PAK2: variants seen among roughly 807,000 people sequenced by gnomAD.
PAK2 encodes p21 (RAC1) activated kinase 2, also known as serine/threonine-protein kinase PAK 2.
In PAK2, 21 loss-of-function variants were observed where a neutral mutation model predicts 65.9. The observed-to-expected ratio is 0.32, with a 90% CI of 0.23 to 0.46. The LOEUF is 0.46. PAK2 is among the 20% of genes least tolerant of loss of function. The probability of loss-of-function intolerance (pLI) is 1.00; values close to 1 mark genes in which losing one functional copy is unlikely to be tolerated. For missense variants in PAK2, 324 were observed against 642.6 expected (o/e 0.50, Z 5.36); for synonymous variants, 204 against 219.7 (o/e 0.93, Z 0.63).
chr3:196,783,978 T>A (rs1714798864), intron 2 of PAK2, among the ~76,000 whole-genome samples: 1 of 152,166 alleles, frequency 6.6e-6, no homozygotes, highest in African/African-American at 2.4e-5. Flanking sequence ...CTGTAGACAT[T>A]TGGGTTGTTT....
intron 1 of PAK2, among the ~76,000 whole-genome samples, chr3:196,754,884 C>G (rs1713719072): frequency 6.6e-6 from 1 of 152,130 alleles, no homozygotes; most frequent in African/African-American, 2.4e-5. Flanking sequence ...AGTGGCTGAC[C>G]AATTCTTGAT....
intron 10 of PAK2, among the ~76,000 whole-genome samples, chr3:196,813,096 G>A (rs1715880461): frequency 6.6e-6 from 1 of 152,096 alleles, no homozygotes; most frequent in Non-Finnish European, 1.5e-5. Flanking sequence ...TATACTCATC[G>A]CAAACGACCT....
intron 11 of PAK2, among the ~76,000 whole-genome samples, chr3:196,815,747 A>T (rs763972595): frequency 7.2e-5 from 11 of 151,728 alleles, no homozygotes. Context: ...AGATCGTGCC[A>T]CTGCATTCCA....
chr3:196,748,772 GT>G (rs1450099693), intron 1 of PAK2, among the ~76,000 whole-genome samples: 1 of 152,156 alleles, frequency 6.6e-6, no homozygotes, highest in East Asian at 1.9e-4. Flanking sequence ...GATGTGTGGA[GT>G]TTTTTATTGT....
chr3:196,824,097 G>T (rs1035597820), intron 13 of PAK2, among the ~76,000 whole-genome samples: 3 of 152,158 alleles, frequency 2.0e-5, no homozygotes, highest in African/African-American at 7.2e-5. Context: ...AGGGCACATG[G>T]CTCTAAGACC....
At chr3:196,785,265 T>C (rs182783436) in intron 2 of PAK2, among the ~76,000 whole-genome samples, 22 of 152,328 alleles carry the variant, frequency 1.4e-4, no homozygotes, top group Non-Finnish European at 2.5e-4. Flanking sequence ...GTTTTAGTTA[T>C]GTGTATACTG....
intron 2 of PAK2, among the ~76,000 whole-genome samples, chr3:196,786,909 C>T (rs1308676012): frequency 6.6e-6 from 1 of 151,814 alleles, no homozygotes; most frequent in Non-Finnish European, 1.5e-5. Flanking sequence ...ATTGCAACCT[C>T]CACCTCCCAG....
chr3:196,756,044 G>A (rs1713758943), intron 1 of PAK2, among the ~76,000 whole-genome samples: 1 of 152,102 alleles, frequency 6.6e-6, no homozygotes, highest in South Asian at 2.1e-4. Context: ...GTGAGCCACC[G>A]CACCCGGCCC....
At chr3:196,803,362 A>G (rs1045856583) in intron 4 of PAK2, among the ~76,000 whole-genome samples, 198 bp downstream of exon 4, 4 of 152,198 alleles carry the variant, frequency 2.6e-5, no homozygotes, top group Non-Finnish European at 4.4e-5. Context: ...TAGTAATCTC[A>G]TAGGTTTGCC....
In PAK2 at chr3:196,820,416, G is replaced by A. The variant is rs1479723867; in HGVS notation, c.1199G>A (p.Arg400His). 4 of 1,611,968 alleles carry A rather than the reference G, an allele frequency of 2.5e-6. No homozygotes were observed. The highest frequency in any genetic ancestry group is 3.4e-6 in the Non-Finnish European group (4 of 1,178,964). The change falls in exon 13 of 15, where the codon CGC becomes CAC. Residue 400 changes from arginine (R) to histidine (H), a missense_variant. Around this residue, in one of 5 missense-constraint regions of PAK2, gnomAD observed 36 missense variants for 161.5 expected, o/e 0.22. Coordinates refer to ENST00000327134, the MANE Select transcript of PAK2 (RefSeq NM_002577.4). The surrounding 1 kb of genome is among the most constrained non-coding windows in gnomAD (Gnocchi z 4.6). ...CAGATCACCCCTGAGCAGAGCAAAC[G>A]CAGTACCATGGTCGGAACGCCATAC... ...CAQITPEQSK[R>H]STMVGTPYWM... is the part of the protein sequence containing the mutation.
intron 13 of PAK2, among the ~76,000 whole-genome samples, chr3:196,822,967 C>T (rs540201692): frequency 1.3e-5 from 2 of 152,228 alleles, no homozygotes; most frequent in African/African-American, 2.4e-5. Flanking sequence ...CAGGCCAGAC[C>T]GTAGTGCCTT....
intron 1 of PAK2, among the ~76,000 whole-genome samples, chr3:196,769,676 G>A (rs1278631559): frequency 1.3e-5 from 2 of 151,836 alleles, no homozygotes; most frequent in African/African-American, 4.9e-5. Context: ...AATTAGCTGG[G>A]CGTGGTGGTA....
At chr3:196,754,466 G>C (rs948609192) in intron 1 of PAK2, among the ~76,000 whole-genome samples, 2 of 152,160 alleles carry the variant, frequency 1.3e-5, no homozygotes, top group East Asian at 3.8e-4. Flanking sequence ...CTCCCGGCCT[G>C]ATTTCCAGTG....
rs755846490 is a variant in PAK2, at chr3:196,820,744, A to T, written c.1350+177A>T. 1.3e-5 allele frequency among the ~76,000 whole-genome samples: 2 copies of T among 152,224 alleles called. No homozygotes were observed. The highest frequency in any genetic ancestry group is 2.9e-5 in the Non-Finnish European group (2 of 68,050). On this transcript the variant is annotated intron_variant, in intron 13 of 14. Coordinates refer to ENST00000327134, the MANE Select transcript of PAK2 (RefSeq NM_002577.4). The surrounding 1 kb of genome is among the most constrained non-coding windows in gnomAD (Gnocchi z 4.6). ...TCTCTGAGTTACAAATTAATGTGTT[A>T]GGTGAAGACTTTGTAGGTTTTTAGT...
At chr3:196,781,061 T>G (rs534937872) in intron 1 of PAK2, among the ~76,000 whole-genome samples, 4 of 152,358 alleles carry the variant, frequency 2.6e-5, no homozygotes, top group African/African-American at 7.2e-5. Context: ...GTGCTGAGAT[T>G]ACAGGCATGA....
At chr3:196,742,201 G>A (rs1577689478) in intron 1 of PAK2, among the ~76,000 whole-genome samples, 2 of 146,576 alleles carry the variant, frequency 1.4e-5, no homozygotes, top group African/African-American at 5.1e-5. Context: ...CGATTCTCCT[G>A]TCTCAGCCTG....
intron 2 of PAK2, among the ~76,000 whole-genome samples, chr3:196,793,520 G>A (rs933627124): frequency 1.3e-5 from 2 of 152,068 alleles, no homozygotes; most frequent in Non-Finnish European, 2.9e-5. Flanking sequence ...TATATGAGTA[G>A]ACAGTACAGG....
chr3:196,808,062 A>G, intron 7 of PAK2, 148 bp downstream of exon 7: 2 of 676,792 alleles, frequency 3.0e-6, no homozygotes, highest in East Asian at 3.0e-5. Context: ...TTCAATTACA[A>G]TCTGGTGATG....
Position 196,818,039 on chromosome 3 carries a change from T to C in PAK2, c.1054-18T>C, listed in dbSNP as rs1711527608. ...TTTCAGGGACTATTTCATTAATAGG[T>C]GTTTTTCTTCTGTTCAGTGTTTACA... On this transcript the variant is annotated intron_variant, in intron 11 of 14. Coordinates refer to ENST00000327134, the MANE Select transcript of PAK2 (RefSeq NM_002577.4). 1 of 990,776 alleles carries C rather than the reference T, an allele frequency of 1.0e-6. No individual in the cohort carries two copies. Among genetic ancestry groups the C allele is most frequent in the Non-Finnish European group, 1.6e-6 (1 of 616,762 alleles). 61.4% of individuals were successfully genotyped at this position (990,776 alleles called of 1,614,324 possible).
Sources: allele counts gnomAD v4.1 joint callset (sites outside exome capture counted in the v4.1 genomes callset), GRCh38; gene constraint gnomAD v4.1.1; regional missense constraint gnomAD v4.1.1; non-coding constraint Gnocchi (gnomAD v3.1); transcripts MANE v1.5; gene names NCBI Gene and HGNC (gene_info 2026-07-23, HGNC 2026-07-21).